The following CSGALNACT1 variants were observed in gnomAD, a reference collection of about 807,000 sequenced individuals.
CSGALNACT1 encodes the protein beta4GalNAcT-1.
Under a neutral mutation model 51.0 loss-of-function variants are expected in CSGALNACT1, and 52 were observed. The observed-to-expected ratio is 1.02, with a 90% CI of 0.82 to 1.29. The LOEUF (loss-of-function observed/expected upper bound fraction) is 1.29. Among genes scored for constraint, CSGALNACT1 ranks in the 50% most tolerant of loss-of-function variants. The pLI, the probability that CSGALNACT1 is intolerant of heterozygous loss-of-function variation, is 0.00. For missense variants in CSGALNACT1, 935 were observed against 679.2 expected, an observed-to-expected ratio of 1.38 and a Z score of -4.19; for synonymous variants, 341 against 254.4, an observed-to-expected ratio of 1.34 and a Z score of -3.24.
chr8:19,599,441 GAAAA>G (rs1238413022), intron 2 of CSGALNACT1, among the ~76,000 whole-genome samples: 1 of 100,352 alleles, frequency 1.0e-5, no homozygotes, highest in Non-Finnish European at 2.0e-5. Flanking sequence ...AAGGAAGAAA[GAAAA>G]AGAAAAAGAA....
intron 4 of CSGALNACT1, among the ~76,000 whole-genome samples, chr8:19,495,387 C>T (rs1331982160): frequency 1.3e-5 from 2 of 152,320 alleles, no homozygotes; most frequent in Admixed American, 1.3e-4. Flanking sequence ...AGTCCTCAGA[C>T]CAGCCCATAA....
intron 3 of CSGALNACT1, among the ~76,000 whole-genome samples, chr8:19,555,049 G>A (rs2089364032): frequency 6.6e-6 from 1 of 151,720 alleles, no homozygotes; most frequent in African/African-American, 2.4e-5. Context: ...GACCATCCTA[G>A]CCAACATGGT....
intron 1 of CSGALNACT1, among the ~76,000 whole-genome samples, chr8:19,713,866 G>C (rs765269759): frequency 1.9e-4 from 29 of 152,220 alleles, no homozygotes; most frequent in Non-Finnish European, 3.7e-4. Flanking sequence ...GGCAGCCCCA[G>C]ATGGAGAAGG....
At chr8:19,651,687 C>A (rs142125531) in intron 1 of CSGALNACT1, among the ~76,000 whole-genome samples, 27 of 152,234 alleles carry the variant, frequency 1.8e-4, no homozygotes, top group Non-Finnish European at 3.4e-4. Context: ...ATGTTAATTT[C>A]ATGTCTTCGC....
intron 1 of CSGALNACT1, among the ~76,000 whole-genome samples, chr8:19,723,060 T>C (rs2063211925): frequency 6.6e-6 from 1 of 152,230 alleles, no homozygotes; most frequent in African/African-American, 2.4e-5. Flanking sequence ...CTCCACTTTT[T>C]AGAGCAAGCC....
intron 6 of CSGALNACT1, among the ~76,000 whole-genome samples, chr8:19,422,815 A>G (rs989917361): frequency 1.3e-5 from 2 of 152,176 alleles, no homozygotes; most frequent in African/African-American, 4.8e-5. Context: ...GTCAGTTTCC[A>G]GGAAAGGTTT....
intron 1 of CSGALNACT1, among the ~76,000 whole-genome samples, chr8:19,640,829 C>A (rs1292996356): frequency 6.6e-5 from 10 of 152,056 alleles, no homozygotes; most frequent in Non-Finnish European, 1.2e-4. Context: ...TTAGCAAACA[C>A]ACTCTGTATT....
In CSGALNACT1 at chr8:19,702,657, C is replaced by T. The variant is rs1340467250; in HGVS notation, c.-297+55193G>A. On this transcript the variant is annotated intron_variant, in intron 1 of 1. Transcript: ENST00000517494. ...TTGTCCCCTGCATGCACCTGGAATGCTCCATCTCAGTCCTTGTCACAGACT... is the reference window on the plus strand; with the variant it reads ...TTGTCCCCTGCATGCACCTGGAATGTTCCATCTCAGTCCTTGTCACAGACT... Among the ~76,000 whole-genome samples the T allele has an allele frequency of 2.0e-5, 3 of 152,292 alleles. No homozygotes were observed. In the South Asian group the frequency reaches 6.2e-4, roughly 32 times the overall value.
intron 3 of CSGALNACT1, among the ~76,000 whole-genome samples, chr8:19,519,564 C>G (rs2080230341): frequency 6.6e-6 from 1 of 152,144 alleles, no homozygotes; most frequent in African/African-American, 2.4e-5. Context: ...AACATCACCT[C>G]TAAACAGAAT....
intron 1 of CSGALNACT1, among the ~76,000 whole-genome samples, chr8:19,632,935 T>C (rs1405231154): frequency 6.7e-6 from 1 of 150,220 alleles, no homozygotes; most frequent in Non-Finnish European, 1.5e-5. Flanking sequence ...TTTTTTCTTT[T>C]TTTTTTTTTT....
intron 6 of CSGALNACT1, among the ~76,000 whole-genome samples, chr8:19,430,773 G>C (rs1206326493): frequency 6.6e-6 from 1 of 152,112 alleles, no homozygotes. Flanking sequence ...TGAAACTATA[G>C]ATCGACTGAC....
At position 19,695,667 on chromosome 8, in the gene CSGALNACT1, T is replaced by A. The variant is rs146259867; in HGVS notation, c.-297+62183A>T. Among the ~76,000 whole-genome samples the A allele has an allele frequency of 1.9e-3, 295 of 152,336 alleles. 1 individual carries two copies. Among genetic ancestry groups the A allele is most frequent in the African/African-American group, 6.9e-3 (288 of 41,570 alleles). ...CAGATTGGAGTAGAGATTGTGAATT[T>A]AAGAGAAAAGCAACAATGTCAAGAC... is the stretch of plus-strand genomic sequence containing the variant. On this transcript the variant is annotated intron_variant, in intron 1 of 1. Coordinates refer to the CSGALNACT1 transcript ENST00000517494.
intron 1 of CSGALNACT1, among the ~76,000 whole-genome samples, chr8:19,752,198 A>G (rs2154254011): frequency 6.7e-6 from 1 of 148,432 alleles, no homozygotes; most frequent in East Asian, 1.9e-4. Flanking sequence ...AATATATACT[A>G]TATATCTTAT....
At chr8:19,691,130 C>T (rs1191564367) in intron 1 of CSGALNACT1, among the ~76,000 whole-genome samples, 1 of 152,132 alleles carries the variant, frequency 6.6e-6, no homozygotes, top group East Asian at 1.9e-4. Context: ...CTCTCTGCGG[C>T]TTATCATAAA....
intron 3 of CSGALNACT1, among the ~76,000 whole-genome samples, chr8:19,540,559 G>T (rs1212441972): frequency 1.3e-5 from 2 of 152,184 alleles, no homozygotes; most frequent in Non-Finnish European, 2.9e-5. Context: ...TAAGAGACTG[G>T]AAGGAAAAGC....
chr8:19,695,750 T>A (rs923375169), intron 1 of CSGALNACT1, among the ~76,000 whole-genome samples: 1 of 152,178 alleles, frequency 6.6e-6, no homozygotes, highest in Non-Finnish European at 1.5e-5. Flanking sequence ...TCATGTGATA[T>A]CATGCACATG....
In CSGALNACT1 at chr8:19,599,470, GAAAAAGAA is replaced by G. The variant is rs1427234086; in HGVS notation, c.-416+2293_-416+2300del. Among the ~76,000 whole-genome samples the G allele has an allele frequency of 5.4e-4, 14 of 25,854 alleles. No homozygotes were observed. The Admixed American group carries it at 5.5e-3, about 10-fold the overall frequency. 17.0% of individuals were successfully genotyped at this position (25,854 alleles called of 152,430 possible). A position where few individuals can be genotyped will look rare whatever the true frequency, so the allele number is the denominator to read the frequency against. On this transcript the variant is annotated intron_variant, in intron 2 of 9. Coordinates refer to ENST00000454498, the Ensembl canonical transcript of CSGALNACT1. Reference sequence around the variant, plus strand: ...AAGAAAAAGAAAAGAAAGAAAGAAAGAAAAAGAAAGAAAGAAAGAAAGAAAGAAAGAAA... The same window carrying G: ...AAGAAAAAGAAAAGAAAGAAAGAAAGAGAAAGAAAGAAAGAAAGAAAGAAA...
intron 4 of CSGALNACT1, among the ~76,000 whole-genome samples, chr8:19,502,108 A>G (rs1193584051): frequency 1.3e-5 from 2 of 152,228 alleles, no homozygotes; most frequent in Non-Finnish European, 2.9e-5. Flanking sequence ...GTGGCCACAG[A>G]CAGACCAGAC....
chr8:19,755,672 G>A (rs1290402961), intron 1 of CSGALNACT1, among the ~76,000 whole-genome samples: 3 of 152,052 alleles, frequency 2.0e-5, no homozygotes, highest in African/African-American at 7.3e-5. Flanking sequence ...GAAGCCGCCT[G>A]GAGCTCAGGT....
Sources: gnomAD v4.1 joint callset for allele counts (sites outside exome capture counted in the v4.1 genomes callset) on GRCh38, gnomAD v4.1.1 for gene constraint, MANE v1.5 for transcripts, NCBI Gene and HGNC (gene_info 2026-07-23, HGNC 2026-07-21) for gene names.